SAMD5: variants seen among roughly 807,000 people sequenced by gnomAD.
The protein encoded by SAMD5 is sterile alpha motif domain-containing protein 5.
SAMD5 carries 13 observed loss-of-function variants against 11.3 expected under a neutral mutation model. The observed-to-expected ratio is 1.15, with a 90% CI of 0.75 to 1.83. The LOEUF is 1.83. Among genes scored for constraint, SAMD5 ranks in the 40% most tolerant of loss-of-function variants. SAMD5 has a pLI of 0.00. For missense variants in SAMD5, 255 were observed against 239.1 expected (o/e 1.07, Z -0.44); for synonymous variants, 129 against 111.3 (o/e 1.16, Z -1.00).
At chr6:147,694,193 G>A (rs1399366866) in intron 1 of SAMD5, among the ~76,000 whole-genome samples, 2 of 152,114 alleles carry the variant, frequency 1.3e-5, no homozygotes, top group African/African-American at 4.8e-5. Flanking sequence ...ATCTGGTAAG[G>A]GGTGCCAGGT....
intron 1 of SAMD5, among the ~76,000 whole-genome samples, chr6:147,521,977 A>G (rs1378662845): frequency 2.6e-5 from 4 of 152,052 alleles, no homozygotes; most frequent in Admixed American, 2.0e-4. Flanking sequence ...GATTGCTTTT[A>G]TCTTTCCAAA....
the SAMD5 span, among the ~76,000 whole-genome samples, chr6:147,811,742 T>C: frequency 1.3e-5 from 2 of 152,104 alleles, no homozygotes; most frequent in African/African-American, 4.8e-5. Context: ...GAACTTTAGA[T>C]ACTGAGAATG....
intron 1 of SAMD5, among the ~76,000 whole-genome samples, chr6:147,713,870 C>A (rs1791431783): frequency 6.6e-6 from 1 of 152,132 alleles, no homozygotes; most frequent in Non-Finnish European, 1.5e-5. Context: ...TCTCCTTCCT[C>A]TTCTGTTCTT....
intron 1 of SAMD5, among the ~76,000 whole-genome samples, chr6:147,650,705 C>G (rs1008979803): frequency 2.6e-5 from 4 of 152,124 alleles, no homozygotes; most frequent in Admixed American, 1.3e-4. Context: ...ATTCAGGCAC[C>G]AGTCTGGATG....
the SAMD5 span, among the ~76,000 whole-genome samples, chr6:147,852,643 C>T: frequency 1.3e-5 from 2 of 152,088 alleles, no homozygotes; most frequent in African/African-American, 2.4e-5. Context: ...GAAAAATACC[C>T]GCAAAGAACT....
chr6:147,697,465 T>C (rs1791192690), intron 1 of SAMD5, among the ~76,000 whole-genome samples: 1 of 152,164 alleles, frequency 6.6e-6, no homozygotes, highest in Admixed American at 6.5e-5. Flanking sequence ...CATAACAAAA[T>C]TACAGCAAGA....
At chr6:147,896,738 C>CAAAAAAAAAAAAAAAAAAAA in the SAMD5 span, among the ~76,000 whole-genome samples, 2 of 55,320 alleles carry the variant, frequency 3.6e-5, no homozygotes, top group African/African-American at 7.2e-5. Context: ...GAACATTAAC[C>CAAAAAAAAAAAAAAAAAAAA]AAAAAAAAAA....
intron 1 of SAMD5, among the ~76,000 whole-genome samples, chr6:147,593,550 G>A (rs1258603439): frequency 6.6e-6 from 1 of 152,188 alleles, no homozygotes; most frequent in Admixed American, 6.5e-5. Flanking sequence ...TGCCCCAGCT[G>A]TGTATTGAAG....
chr6:147,891,588 G>A, the SAMD5 span, among the ~76,000 whole-genome samples: 1 of 152,202 alleles, frequency 6.6e-6, no homozygotes, highest in South Asian at 2.1e-4. Flanking sequence ...GAGGATAAGG[G>A]AAGGCAGAGG....
the SAMD5 span, among the ~76,000 whole-genome samples, chr6:147,791,079 G>C: frequency 6.6e-6 from 1 of 152,004 alleles, no homozygotes; most frequent in African/African-American, 2.4e-5. Flanking sequence ...CGGATCACTT[G>C]AGGTCAGGAG....
the SAMD5 span, among the ~76,000 whole-genome samples, chr6:147,842,789 A>G: frequency 1.3e-5 from 2 of 152,238 alleles, no homozygotes; most frequent in Non-Finnish European, 2.9e-5. Context: ...ATCTTGAAAT[A>G]GGCATTTGTG....
At chr6:147,626,667 G>A (rs1044900511) in intron 1 of SAMD5, among the ~76,000 whole-genome samples, 1 of 151,348 alleles carries the variant, frequency 6.6e-6, no homozygotes. Flanking sequence ...AAAAATTAAG[G>A]CATTGGCTAA....
chr6:147,616,216 C>CATATATATTTATTCATATATATTTT, intron 1 of SAMD5, among the ~76,000 whole-genome samples: 3 of 134,338 alleles, frequency 2.2e-5, no homozygotes, highest in Non-Finnish European at 1.5e-5. Context: ...ATATATACTT[C>CATATATATTTATTCATATATATTTT]ATATATATTT....
intron 1 of SAMD5, among the ~76,000 whole-genome samples, chr6:147,590,911 T>A (rs1375266959): frequency 6.6e-6 from 1 of 152,232 alleles, no homozygotes; most frequent in Non-Finnish European, 1.5e-5. Flanking sequence ...GGTCAAGGAC[T>A]TAAGATTATT....
chr6:147,887,232 A>G, the SAMD5 span, among the ~76,000 whole-genome samples: 3 of 152,332 alleles, frequency 2.0e-5, no homozygotes, highest in South Asian at 6.2e-4. Context: ...ATAAATTCGG[A>G]CTACATATAC....
chr6:147,586,685 C>A (rs2128446798), intron 1 of SAMD5, among the ~76,000 whole-genome samples: 2 of 151,220 alleles, frequency 1.3e-5, no homozygotes, highest in East Asian at 3.9e-4. Flanking sequence ...TTTTAAATAA[C>A]AAAAAGATAT....
chr6:147,905,038 G>A, the SAMD5 span, among the ~76,000 whole-genome samples: 26,079 of 151,716 alleles, frequency 0.17, 2,852 homozygotes, highest in Non-Finnish European at 0.24. Context: ...ACAGGCATGC[G>A]CCACCACGCC....
chr6:147,510,837 C>T (rs1788077495), intron 1 of SAMD5, among the ~76,000 whole-genome samples: 1 of 152,184 alleles, frequency 6.6e-6, no homozygotes, highest in Non-Finnish European at 1.5e-5. Flanking sequence ...CCACTCTGTG[C>T]CACTGATGTG....
chr6:147,845,423 T>G, the SAMD5 span, among the ~76,000 whole-genome samples: 1 of 152,184 alleles, frequency 6.6e-6, no homozygotes, highest in Non-Finnish European at 1.5e-5. Context: ...TAAAAATCTT[T>G]GCTCTGTGAA....
Sources: allele counts gnomAD v4.1 joint callset (sites outside exome capture counted in the v4.1 genomes callset), GRCh38; gene constraint gnomAD v4.1.1; transcripts MANE v1.5; gene names NCBI Gene and HGNC (gene_info 2026-07-23, HGNC 2026-07-21).